Variants in SYT1 observed in about 807,000 individuals in gnomAD.
SYT1 encodes synaptotagmin-1.
In SYT1, 8 loss-of-function variants were observed where a neutral mutation model predicts 44.8. The observed-to-expected ratio is 0.18, with a 90% CI of 0.10 to 0.32. The LOEUF is 0.32. Among genes scored for constraint, SYT1 ranks in the 10% least tolerant of loss-of-function variants. The pLI is 1.00. For synonymous variants in SYT1, 154 were observed against 188.8 expected, an observed-to-expected ratio of 0.82 and a Z score of 1.51; for missense variants, 286 against 509.3, an observed-to-expected ratio of 0.56 and a Z score of 4.22.
intron 3 of SYT1, among the ~76,000 whole-genome samples, chr12:79,074,961 C>G (rs1225165973): frequency 1.3e-5 from 2 of 152,132 alleles, no homozygotes; most frequent in Non-Finnish European, 2.9e-5. Context: ...CCAAAAAATA[C>G]TATGTACTTC....
intron 3 of SYT1, among the ~76,000 whole-genome samples, chr12:79,139,576 G>A (rs568443472): frequency 6.6e-6 from 1 of 152,196 alleles, no homozygotes; most frequent in South Asian, 2.1e-4. Context: ...CTCATCATGT[G>A]TAGGTGTAGA....
chr12:79,376,245 A>G (rs1054239873), intron 9 of SYT1, among the ~76,000 whole-genome samples: 3 of 152,208 alleles, frequency 2.0e-5, no homozygotes, highest in Non-Finnish European at 4.4e-5. Context: ...GTTTATTAAG[A>G]AAGTAAAGGA....
chr12:78,893,114 A>C (rs1875146983), intron 1 of SYT1, among the ~76,000 whole-genome samples: 1 of 151,838 alleles, frequency 6.6e-6, no homozygotes, highest in Admixed American at 6.6e-5. Flanking sequence ...GCATGTACTT[A>C]CTGAGGAGGA....
chr12:78,897,558 A>G (rs566320615), intron 1 of SYT1, among the ~76,000 whole-genome samples: 18 of 152,160 alleles, frequency 1.2e-4, no homozygotes, highest in African/African-American at 4.3e-4. Context: ...ATCCTTTAAA[A>G]TGAATAGTCA....
chr12:78,928,862 T>G (rs557490325), intron 1 of SYT1, among the ~76,000 whole-genome samples: 1 of 152,228 alleles, frequency 6.6e-6, no homozygotes, highest in African/African-American at 2.4e-5. Context: ...ACTAAAGCCA[T>G]GAAAACCAAA....
chr12:79,378,125 C>T (rs1207173488), intron 9 of SYT1, among the ~76,000 whole-genome samples: 1 of 152,150 alleles, frequency 6.6e-6, no homozygotes, highest in East Asian at 1.9e-4. Flanking sequence ...TTTCACTCAT[C>T]CTTATTTTTA....
At position 79,294,512 on chromosome 12, in the gene SYT1, T is replaced by A. The variant is rs75500312; in HGVS notation, c.475-1557T>A. On this transcript the variant is annotated intron_variant, in intron 6 of 10. Coordinates refer to ENST00000261205, the MANE Select transcript of SYT1 (RefSeq NM_005639.3). ...GACGCTTTCATGGTACAGAGAAATGTGATATTTATCTCTTAGGCAGAAGTC... is the reference window on the plus strand; with the variant it reads ...GACGCTTTCATGGTACAGAGAAATGAGATATTTATCTCTTAGGCAGAAGTC... Among the ~76,000 whole-genome samples, 437 of 152,294 alleles carry A rather than the reference T, an allele frequency of 2.9e-3. 13 individuals are homozygous for A. In the East Asian group the frequency reaches 0.071, roughly 25 times the overall value.
intron 9 of SYT1, among the ~76,000 whole-genome samples, chr12:79,390,155 G>C (rs561746930): frequency 5.3e-5 from 8 of 151,820 alleles, no homozygotes; most frequent in Non-Finnish European, 1.2e-4. Context: ...GGATGGTCTC[G>C]ATCTCCTGAC....
chr12:79,037,923 C>A (rs542986817), intron 2 of SYT1, among the ~76,000 whole-genome samples: 1 of 151,748 alleles, frequency 6.6e-6, no homozygotes, highest in South Asian at 2.1e-4. Context: ...AATAAAATAG[C>A]CACAGTTTCA....
Position 79,014,991 on chromosome 12 carries a change from C to G in SYT1, c.-83-32306C>G, listed in dbSNP as rs535862867. The stretch of plus-strand genomic sequence containing the variant: ...AAACCAAACACCGCATGTTCTCACT[C>G]ATAGGTGGGAATTGAACAATGAGAA... On this transcript the variant is annotated intron_variant, in intron 2 of 10. Coordinates refer to ENST00000261205, the MANE Select transcript of SYT1 (RefSeq NM_005639.3). 1.1e-3 allele frequency among the ~76,000 whole-genome samples: 162 copies of G among 151,350 alleles called. No homozygotes were observed. In the East Asian group the frequency reaches 0.025, roughly 24 times the overall value.
intron 1 of SYT1, among the ~76,000 whole-genome samples, chr12:78,879,746 T>C (rs1168759179): frequency 6.6e-6 from 1 of 151,842 alleles, no homozygotes; most frequent in Admixed American, 6.6e-5. Flanking sequence ...TATCCTTAAC[T>C]TGACTTTCAA....
At chr12:79,004,705 T>TCTCA (rs1870963335) in intron 2 of SYT1, among the ~76,000 whole-genome samples, 1 of 151,960 alleles carries the variant, frequency 6.6e-6, no homozygotes, top group Admixed American at 6.6e-5. Context: ...ATCTAATATG[T>TCTCA]CTCAGCTTCC....
At chr12:78,908,155 A>C (rs912452834) in intron 1 of SYT1, among the ~76,000 whole-genome samples, 1 of 151,884 alleles carries the variant, frequency 6.6e-6, no homozygotes, top group Non-Finnish European at 1.5e-5. Context: ...ATAATCTGTC[A>C]AGGATTCTTC....
At chr12:79,411,321 T>C (rs1273554719) in intron 9 of SYT1, among the ~76,000 whole-genome samples, 1 of 152,164 alleles carries the variant, frequency 6.6e-6, no homozygotes, top group Non-Finnish European at 1.5e-5. Flanking sequence ...TACTTCCACT[T>C]ACATCTCGAT....
At chr12:78,894,421 A>G (rs1329067587) in intron 1 of SYT1, among the ~76,000 whole-genome samples, 1 of 125,902 alleles carries the variant, frequency 7.9e-6, no homozygotes, top group East Asian at 2.7e-4. Flanking sequence ...GCTGGCAGAG[A>G]CTTGTACCCA....
chr12:79,013,874 T>A (rs978939665), intron 2 of SYT1, among the ~76,000 whole-genome samples: 5 of 151,984 alleles, frequency 3.3e-5, no homozygotes, highest in African/African-American at 2.4e-5. Context: ...ACGCCTGTAA[T>A]CCCAGCACTT....
At chr12:78,924,741 C>T (rs558856916) in intron 1 of SYT1, among the ~76,000 whole-genome samples, 29 of 150,752 alleles carry the variant, frequency 1.9e-4, no homozygotes, top group African/African-American at 5.6e-4. Context: ...CTAGCTTCTA[C>T]GTCCTTTTGA....
At chr12:79,233,727 GT>G (rs1293875688) in intron 4 of SYT1, among the ~76,000 whole-genome samples, 6 of 152,198 alleles carry the variant, frequency 3.9e-5, no homozygotes, top group Non-Finnish European at 8.8e-5. Context: ...TAGTGAATCT[GT>G]TTTGCTATTT....
At chr12:79,411,843 C>A (rs1244151282) in intron 9 of SYT1, among the ~76,000 whole-genome samples, 3 of 151,866 alleles carry the variant, frequency 2.0e-5, no homozygotes, top group African/African-American at 7.3e-5. Context: ...CATTTTTAAC[C>A]TCTTTTTTTT....
Sources: allele counts gnomAD v4.1 joint callset (sites outside exome capture counted in the v4.1 genomes callset), GRCh38; gene constraint gnomAD v4.1.1; transcripts MANE v1.5; gene names NCBI Gene and HGNC (gene_info 2026-07-23, HGNC 2026-07-21).